TESC: variants seen among roughly 807,000 people sequenced by gnomAD.
TESC encodes calcineurin B homologous protein 3.
A neutral mutation model predicts 31.0 loss-of-function variants in TESC; 19 were observed. That is an observed-to-expected ratio of 0.61 (90% confidence interval 0.43 to 0.90). The LOEUF is 0.90. TESC is among the 40% of genes least tolerant of loss of function. TESC has a pLI of 0.00. For missense variants in TESC, 248 were observed against 303.8 expected (o/e 0.82, Z 1.36); for synonymous variants, 109 against 114.8 (o/e 0.95, Z 0.32).
chr12:117,090,845 GA>G (rs1955296434), intron 1 of TESC, among the ~76,000 whole-genome samples: 1 of 152,192 alleles, frequency 6.6e-6, no homozygotes, highest in Admixed American at 6.5e-5. Flanking sequence ...AGGTGCTCAG[GA>G]GGAGCTTAGG....
At chr12:117,075,839 G>GTGTGTGTGTGTATATATATATATATA (rs1565971282) in intron 1 of TESC, among the ~76,000 whole-genome samples, 1 of 45,804 alleles carries the variant, frequency 2.2e-5, no homozygotes, top group African/African-American at 8.9e-5. Context: ...TAATTTTCGT[G>GTGTGTGTGTGTATATATATATATATA]TGTGTGTGTA....
intron 1 of TESC, among the ~76,000 whole-genome samples, chr12:117,075,841 G>GTGTGTGTATATATATATATATATATA: frequency 2.2e-5 from 1 of 44,680 alleles, no homozygotes; most frequent in Non-Finnish European, 4.0e-5. Flanking sequence ...ATTTTCGTGT[G>GTGTGTGTATATATATATATATATATA]TGTGTGTATA....
intron 1 of TESC, among the ~76,000 whole-genome samples, chr12:117,075,913 A>ATATATATATATATATATATATATGTG (rs1265957613): frequency 7.7e-5 from 4 of 51,964 alleles, no homozygotes; most frequent in Admixed American, 4.9e-4. Flanking sequence ...ATATATATAT[A>ATATATATATATATATATATATATGTG]TGTGTGTGTG....
chr12:117,075,002 C>T (rs543787872), intron 2 of TESC, among the ~76,000 whole-genome samples: 6 of 152,182 alleles, frequency 3.9e-5, no homozygotes, highest in Admixed American at 2.0e-4. Context: ...AAACATTAGC[C>T]GAGCATGGTG....
intron 6 of TESC, among the ~76,000 whole-genome samples, chr12:117,042,718 C>T (rs1298549087): frequency 2.6e-5 from 4 of 152,234 alleles, no homozygotes; most frequent in African/African-American, 4.8e-5. Context: ...CAGGATCCCA[C>T]CGACAAGCCT....
intron 7 of TESC, 122 bp downstream of exon 7, chr12:117,041,825 T>C (rs1954487742): frequency 1.1e-6 from 1 of 946,184 alleles, no homozygotes; most frequent in Non-Finnish European, 1.5e-6. Flanking sequence ...CCTACTGAGA[T>C]GTTGGTCACC....
At chr12:117,047,934 T>C (rs1430012823) in intron 4 of TESC, among the ~76,000 whole-genome samples, 2 of 151,752 alleles carry the variant, frequency 1.3e-5, no homozygotes, top group Non-Finnish European at 2.9e-5. Context: ...TAGAGGCAAG[T>C]GTCTTTCTCT....
intron 3 of TESC, among the ~76,000 whole-genome samples, chr12:117,053,338 T>C (rs1954675388): frequency 6.6e-6 from 1 of 152,164 alleles, no homozygotes; most frequent in Non-Finnish European, 1.5e-5. Flanking sequence ...GCCCCAGCCC[T>C]TTCCCCACAC....
chr12:117,077,024 C>T (rs558923656), intron 1 of TESC, among the ~76,000 whole-genome samples: 2 of 152,316 alleles, frequency 1.3e-5, no homozygotes, highest in Non-Finnish European at 2.9e-5. Flanking sequence ...GCATTCCCTA[C>T]CCCTAAGCAC....
chr12:117,057,659 G>T (rs1444178849), intron 2 of TESC, among the ~76,000 whole-genome samples: 4 of 152,184 alleles, frequency 2.6e-5, no homozygotes, highest in Admixed American at 6.5e-5. Flanking sequence ...ATAAAAACCT[G>T]TGTGTGAATT....
Position 117,039,042 on chromosome 12 carries a change from A to G in TESC, c.*91T>C, listed in dbSNP as rs1954441792. 7.0e-7 allele frequency: 1 copy of G among 1,430,480 alleles called. No homozygotes were observed. Among genetic ancestry groups the G allele is most frequent in the Non-Finnish European group, 9.7e-7 (1 of 1,034,638 alleles). The allele number at this position is 1,430,480 out of a possible 1,614,324, so 88.6% of individuals were successfully genotyped here. On this transcript the variant is annotated 3_prime_UTR_variant, in exon 8 of 8. Coordinates refer to ENST00000335209, the MANE Select transcript of TESC (RefSeq NM_017899.4). The stretch of plus-strand genomic sequence containing the variant: ...CTTGGCTATGTACCGGCGCTGCAGG[A>G]AGAGGCTGTCCGCCGGGCCTGGGCT...
intron 1 of TESC, among the ~76,000 whole-genome samples, chr12:117,081,761 G>A (rs1288986937): frequency 6.6e-6 from 1 of 152,028 alleles, no homozygotes; most frequent in Admixed American, 6.6e-5. Flanking sequence ...AAAATTAGCT[G>A]GGTGTGGTGG....
At chr12:117,054,667 C>T (rs1470209192) in intron 3 of TESC, among the ~76,000 whole-genome samples, 1 of 152,198 alleles carries the variant, frequency 6.6e-6, no homozygotes, top group Non-Finnish European at 1.5e-5. Context: ...TCCAGTGGGA[C>T]CCTGGGAGGC....
intron 1 of TESC, among the ~76,000 whole-genome samples, chr12:117,090,726 TG>T (rs201969462): frequency 0.013 from 1,911 of 152,222 alleles, 43 homozygotes; most frequent in African/African-American, 0.044. Flanking sequence ...CTGAGGTCCT[TG>T]GGGGGATGCA....
chr12:117,042,082 C>T, intron 6 of TESC, 88 bp from the exon 7 acceptor site: 1 of 1,308,860 alleles, frequency 7.6e-7, no homozygotes, highest in Non-Finnish European at 1.1e-6. Flanking sequence ...CTCCCCTCCC[C>T]ACCAATACCC....
rs555773630 is a variant in TESC, at chr12:117,099,366, G to C, written c.-84C>G. On this transcript the variant is annotated 5_prime_UTR_variant, in exon 1 of 8. Transcript: ENST00000335209. ...GCTGCGCAGCGGCGGGACTGGCCTC[G>C]GGTCCGGCCTCGGGTCGGGACGCCG... The C allele has an allele frequency of 1.6e-6, 2 of 1,283,488 alleles. No individual in the cohort carries two copies. The highest frequency in any genetic ancestry group is 2.0e-6 in the Non-Finnish European group (2 of 1,006,508). 79.5% of individuals were successfully genotyped at this position (1,283,488 alleles called of 1,614,324 possible).
chr12:117,074,197 G>A (rs1593013698), intron 2 of TESC, among the ~76,000 whole-genome samples: 1 of 151,962 alleles, frequency 6.6e-6, no homozygotes, highest in African/African-American at 2.4e-5. Flanking sequence ...CTGCTTCTAC[G>A]AAAATAAAAG....
chr12:117,059,586 G>A (rs1954774027), intron 2 of TESC, among the ~76,000 whole-genome samples: 1 of 152,176 alleles, frequency 6.6e-6, no homozygotes. Context: ...TTGAGACAGA[G>A]TTTCACTCTG....
chr12:117,064,533 G>A (rs1256451097), intron 2 of TESC, among the ~76,000 whole-genome samples: 13 of 152,114 alleles, frequency 8.5e-5, no homozygotes, highest in Non-Finnish European at 1.3e-4. Context: ...ACAAGCATTC[G>A]AGCCCCTTCA....
Sources: allele counts gnomAD v4.1 joint callset (sites outside exome capture counted in the v4.1 genomes callset), GRCh38; gene constraint gnomAD v4.1.1; transcripts MANE v1.5; gene names NCBI Gene and HGNC (gene_info 2026-07-23, HGNC 2026-07-21).